The following FYB1 variants were observed in gnomAD, a reference collection of about 807,000 sequenced individuals.
The protein encoded by FYB1 is FYN-binding protein 1.
In FYB1, 41 loss-of-function variants were observed where a neutral mutation model predicts 94.1. The ratio of observed to expected loss-of-function variants is 0.44; its 90% confidence interval spans 0.34 to 0.57. The LOEUF is 0.57. Ranked by LOEUF, FYB1 falls within the 20% of genes least tolerant of loss-of-function variation. The pLI is 0.02. For missense variants in FYB1, 1,050 were observed against 976.8 expected (o/e 1.07, Z -1.00); for synonymous variants, 367 against 353.2 (o/e 1.04, Z -0.44).
chr5:39,260,039 A>T lies in FYB1; in HGVS notation c.-28+14364T>A, dbSNP rs571793829. ...GATGAAGCTGATAAATGGATTTAAGATTCATCAAAGAGAGACACAGAGATA... is the reference window on the plus strand; with the variant it reads ...GATGAAGCTGATAAATGGATTTAAGTTTCATCAAAGAGAGACACAGAGATA... On this transcript the variant is annotated intron_variant, in intron 1 of 1. Transcript: ENST00000510188. 7.9e-5 allele frequency among the ~76,000 whole-genome samples: 12 copies of T among 152,332 alleles called. 1 individual carries two copies. The South Asian group carries it at 2.3e-3, about 29-fold the overall frequency.
At chr5:39,171,859 C>A (rs1056347137) in intron 2 of FYB1, among the ~76,000 whole-genome samples, 1 of 152,074 alleles carries the variant, frequency 6.6e-6, no homozygotes. Context: ...AGTAAGAGAA[C>A]CTGGGGATTG....
intron 1 of FYB1, among the ~76,000 whole-genome samples, chr5:39,235,982 A>G (rs772276271): frequency 2.0e-5 from 3 of 152,022 alleles, no homozygotes; most frequent in Non-Finnish European, 4.4e-5. Flanking sequence ...AATTTCATTT[A>G]TTTTTAGTTA....
chr5:39,211,557 C>T (rs1749395241), intron 1 of FYB1, among the ~76,000 whole-genome samples: 1 of 152,086 alleles, frequency 6.6e-6, no homozygotes, highest in Admixed American at 6.5e-5. Flanking sequence ...GATCCGCCTG[C>T]CTCGGCCTCC....
chr5:39,201,725 A>C, intron 2 of FYB1, 101 bp downstream of exon 2: 1 of 1,038,492 alleles, frequency 9.6e-7, no homozygotes, highest in Non-Finnish European at 1.4e-6. Flanking sequence ...TGAGTACCAG[A>C]TATAGAGAAT....
intron 2 of FYB1, among the ~76,000 whole-genome samples, chr5:39,200,188 G>A (rs1034278482): frequency 5.3e-5 from 8 of 152,186 alleles, no homozygotes; most frequent in South Asian, 2.1e-4. Context: ...GATAAACTCC[G>A]TCTGCTCTGC....
intron 13 of FYB1, 69 bp downstream of exon 13, chr5:39,124,184 C>T: frequency 9.5e-7 from 1 of 1,056,580 alleles, no homozygotes; most frequent in Non-Finnish European, 1.4e-6. Context: ...ATACTATATC[C>T]AGAGCTTTCC....
intron 7 of FYB1, among the ~76,000 whole-genome samples, chr5:39,136,395 T>C (rs1405022779): frequency 2.6e-5 from 4 of 152,142 alleles, no homozygotes; most frequent in Non-Finnish European, 4.4e-5. Flanking sequence ...ATAAATTAAT[T>C]GAAATTAATT....
At chr5:39,219,651 A>G, upstream of FYB1, 1 of 967,250 alleles carries the variant, frequency 1.0e-6, no homozygotes, top group Middle Eastern at 5.3e-4. Context: ...AACTTAGACA[A>G]GAAAAGTTCT....
intron 17 of FYB1, 70 bp downstream of exon 17, chr5:39,110,286 T>G (rs1416119600): frequency 1.4e-5 from 12 of 888,850 alleles, no homozygotes; most frequent in Non-Finnish European, 2.1e-5. Flanking sequence ...TAAGTAATAT[T>G]ATAAATATTT....
At chr5:39,245,993 C>T (rs1249894522) in intron 1 of FYB1, among the ~76,000 whole-genome samples, 1 of 152,216 alleles carries the variant, frequency 6.6e-6, no homozygotes, top group East Asian at 1.9e-4. Context: ...GAAGGGATGT[C>T]TACTTCTACT....
At chr5:39,171,315 G>T (rs1745232576) in intron 2 of FYB1, among the ~76,000 whole-genome samples, 3 of 151,926 alleles carry the variant, frequency 2.0e-5, no homozygotes, top group Admixed American at 6.6e-5. Context: ...CCTGAAGATA[G>T]CATTTATACA....
At chr5:39,141,174 G>GA in intron 3 of FYB1, 33 bp from the exon 4 acceptor site, 1 of 1,416,160 alleles carries the variant, frequency 7.1e-7, no homozygotes, top group African/African-American at 1.4e-5. Context: ...AGTGAACATG[G>GA]AACAAGTAGA....
At chr5:39,135,772 A>G (rs375645555) in intron 7 of FYB1, among the ~76,000 whole-genome samples, 4 of 152,268 alleles carry the variant, frequency 2.6e-5, no homozygotes, top group African/African-American at 9.6e-5. Context: ...AAAATAATGT[A>G]AGTTAAGTTA....
At chr5:39,256,448 C>T (rs1022301741) in intron 1 of FYB1, among the ~76,000 whole-genome samples, 1 of 152,040 alleles carries the variant, frequency 6.6e-6, no homozygotes. Flanking sequence ...GTTTTCATGC[C>T]GAATTAGCCA....
At chr5:39,246,868 T>A (rs1162495662) in intron 1 of FYB1, among the ~76,000 whole-genome samples, 1 of 151,956 alleles carries the variant, frequency 6.6e-6, no homozygotes, top group East Asian at 1.9e-4. Flanking sequence ...TACAGAGGGT[T>A]AGAGCCTGGG....
At chr5:39,181,581 C>A (rs1746236760) in intron 2 of FYB1, among the ~76,000 whole-genome samples, 1 of 152,102 alleles carries the variant, frequency 6.6e-6, no homozygotes, top group African/African-American at 2.4e-5. Context: ...GCACTGCCTG[C>A]TTATTTGACA....
chr5:39,113,604 C>G (rs574834442), intron 16 of FYB1, among the ~76,000 whole-genome samples: 1 of 152,000 alleles, frequency 6.6e-6, no homozygotes, highest in South Asian at 2.1e-4. Context: ...TACAGATTAA[C>G]CAAGGAAATA....
intron 2 of FYB1, among the ~76,000 whole-genome samples, chr5:39,175,448 G>A (rs1400947420): frequency 1.3e-5 from 2 of 152,154 alleles, no homozygotes; most frequent in Non-Finnish European, 2.9e-5. Context: ...TCCAATGGTT[G>A]TAACTAGCTG....
At chr5:39,146,987 GA>G (rs1032069545) in intron 3 of FYB1, among the ~76,000 whole-genome samples, 8 of 152,076 alleles carry the variant, frequency 5.3e-5, no homozygotes, top group African/African-American at 1.9e-4. Context: ...CAAGCATTGA[GA>G]AAAGCCCCAT....
Sources: allele counts gnomAD v4.1 joint callset (sites outside exome capture counted in the v4.1 genomes callset), GRCh38; gene constraint gnomAD v4.1.1; transcripts MANE v1.5; gene names NCBI Gene and HGNC (gene_info 2026-07-23, HGNC 2026-07-21).